TRAF3IP2: variants seen among roughly 807,000 people sequenced by gnomAD.
TRAF3IP2 encodes TRAF3 interacting protein 2, also known as E3 ubiquitin ligase TRAF3IP2.
Under a neutral mutation model 57.9 loss-of-function variants are expected in TRAF3IP2, and 35 were observed. The ratio of observed to expected loss-of-function variants is 0.60; its 90% CI spans 0.46 to 0.80. The LOEUF (loss-of-function observed/expected upper bound fraction) is 0.80, where lower values mean the gene tolerates loss of function less well. TRAF3IP2 is among the 30% of genes least tolerant of loss of function. The probability of loss-of-function intolerance (pLI) is 0.00; values close to 1 mark genes in which losing one functional copy is unlikely to be tolerated. For missense variants in TRAF3IP2, 556 were observed against 706.4 expected, an observed-to-expected ratio of 0.79 and a Z score of 2.41; for synonymous variants, 251 against 268.9, an observed-to-expected ratio of 0.93 and a Z score of 0.65.
intron 1 of TRAF3IP2, chr6:111,594,636 T>A (rs1429071131): frequency 1.4e-5 from 5 of 351,958 alleles, no homozygotes; most frequent in African/African-American, 1.1e-4. Context: ...GCTCTGGGGC[T>A]GGGCGTGGTG....
Position 111,580,067 on chromosome 6 carries a change from C to A in TRAF3IP2, c.1022+130G>T, listed in dbSNP as rs1025774248. ...CCTGACCTGAAAAGTCTATATTGGG[C>A]ATTCCACTATGTGACTTGCTCACTA... On this transcript the variant is annotated intron_variant, in intron 3 of 8. Transcript: ENST00000368761. 1.1e-5 allele frequency: 11 copies of A among 1,046,740 alleles called. No individual in the cohort carries two copies. The Admixed American group carries it at 1.5e-4, about 14-fold the overall frequency. The allele number at this position is 1,046,740 out of a possible 1,614,324, so 64.8% of individuals were successfully genotyped here.
chr6:111,566,981 A>T, intron 6 of TRAF3IP2: 1 of 275,608 alleles, frequency 3.6e-6, no homozygotes, highest in Non-Finnish European at 6.9e-6. Flanking sequence ...ACATTAGCAC[A>T]GTCAGTAGGA....
In TRAF3IP2 at chr6:111,559,380, C is replaced by T. The variant is rs748766419; in HGVS notation, c.*25G>A. 7.5e-6 allele frequency: 12 copies of T among 1,609,480 alleles called. No homozygotes were observed. The South Asian group carries it at 1.3e-4, about 18-fold the overall frequency. On this transcript the variant is annotated 3_prime_UTR_variant, in exon 9 of 9. Coordinates refer to ENST00000368761, the MANE Select transcript of TRAF3IP2 (RefSeq NM_147686.4). Reference sequence around the variant, plus strand: ...AACAAGGCCCCAAACATGGCCTGGCCTCAGTGATCTGGGGATGAACGGTGT... The same window carrying T: ...AACAAGGCCCCAAACATGGCCTGGCTTCAGTGATCTGGGGATGAACGGTGT...
At chr6:111,579,316 CAAAAAAAAAA>C (rs529040872) in intron 3 of TRAF3IP2, among the ~76,000 whole-genome samples, 42 of 69,834 alleles carry the variant, frequency 6.0e-4, no homozygotes, top group Non-Finnish European at 9.9e-5. Context: ...GGCTCCATCT[CAAAAAAAAAA>C]AAAAAAAAAA....
In TRAF3IP2 at chr6:111,582,938, G is replaced by A. The variant is rs567152998; in HGVS notation, c.830-2549C>T. ...CTTTGTCCAGAATGTTTTTGCCCTA[G>A]ATTTTCACAGACTGACTTCTTGCCA... On this transcript the variant is annotated intron_variant, in intron 2 of 8. Coordinates refer to ENST00000368761, the MANE Select transcript of TRAF3IP2 (RefSeq NM_147686.4). Among the ~76,000 whole-genome samples, 33 of 152,300 alleles carry A rather than the reference G, an allele frequency of 2.2e-4. No homozygotes were observed. The South Asian group carries it at 5.2e-3, about 24-fold the overall frequency.
intron 8 of TRAF3IP2, 77 bp from the exon 9 acceptor site, chr6:111,559,628 A>G (rs41289896): frequency 0.018 from 27,857 of 1,536,672 alleles, 316 homozygotes; most frequent in Non-Finnish European, 0.022. Context: ...CAGTTCCCAA[A>G]CATTTCTGGC....
chr6:111,595,539 G>C (rs537659089), intron 1 of TRAF3IP2, among the ~76,000 whole-genome samples: 5 of 152,220 alleles, frequency 3.3e-5, no homozygotes, highest in African/African-American at 4.8e-5. Flanking sequence ...AGGTACCAAA[G>C]GGTATGCATG....
intron 1 of TRAF3IP2, among the ~76,000 whole-genome samples, chr6:111,603,104 ACACACAC>A (rs1189737579): frequency 6.6e-6 from 1 of 152,048 alleles, no homozygotes; most frequent in Non-Finnish European, 1.5e-5. Context: ...ACACACACAC[ACACACAC>A]AAGGCGTGCA....
rs112036127 is a variant in TRAF3IP2, at chr6:111,580,238, G to A, written c.981C>T (p.Pro327=). The A allele has an allele frequency of 1.2e-4, 187 of 1,613,820 alleles. 3 individuals are homozygous for A. In the South Asian group the frequency reaches 1.3e-3, roughly 11 times the overall value. The change falls in exon 3 of 9, where the codon CCC becomes CCT. Residue 327 remains proline (P), a synonymous_variant. Coordinates refer to ENST00000368761, the MANE Select transcript of TRAF3IP2 (RefSeq NM_147686.4). ...CCGGAAAGGAGCAGTCTCTCTGTGC[G>A]GGCCTCTCTTCGTGGTCCCAGGGGC... The part of the protein sequence containing the change: ...YPSPWDHEER[P]AQRDCSFPGL...
In TRAF3IP2 at chr6:111,592,079, C is replaced by A; in HGVS notation, c.8G>T (p.Arg3Leu). Residue 3 changes from arginine to leucine, a missense_variant, in exon 2 of 9, where the codon CGA (arginine) becomes CTA (leucine). Coordinates refer to ENST00000368761, the MANE Select transcript of TRAF3IP2 (RefSeq NM_147686.4). Reference sequence around the variant, plus strand: ...TTCATCAACCTCCACAGGAATGCTTCGGTTCATTCTAGTTTCTGGAACAAG... The same window carrying A: ...TTCATCAACCTCCACAGGAATGCTTAGGTTCATTCTAGTTTCTGGAACAAG... MN[R>L]SIPVEVDESE... 1 of 1,613,026 alleles carries A rather than the reference C, an allele frequency of 6.2e-7. No individual in the cohort carries two copies. The highest frequency in any genetic ancestry group is 8.5e-7 in the Non-Finnish European group (1 of 1,179,230).
chr6:111,603,955 C>G (rs867327017), intron 1 of TRAF3IP2, among the ~76,000 whole-genome samples: 1 of 152,158 alleles, frequency 6.6e-6, no homozygotes, highest in Non-Finnish European at 1.5e-5. Flanking sequence ...AGGATTAGAG[C>G]GAGGCTGGCA....
At chr6:111,600,766 A>C (rs964625571) in intron 1 of TRAF3IP2, 1 of 157,924 alleles carries the variant, frequency 6.3e-6, no homozygotes, top group African/African-American at 2.4e-5. Context: ...TAGATTGTAC[A>C]CTGATAAGCC....
intron 2 of TRAF3IP2, among the ~76,000 whole-genome samples, chr6:111,588,527 G>A (rs530090883): frequency 2.2e-4 from 34 of 152,294 alleles, no homozygotes; most frequent in Admixed American, 7.8e-4. Context: ...ATTTTCCGTG[G>A]GAAGTATTTT....
chr6:111,586,935 C>T (rs529770413), intron 2 of TRAF3IP2: 1 of 152,190 alleles, frequency 6.6e-6, no homozygotes, highest in Non-Finnish European at 1.5e-5. Flanking sequence ...TGAGGGCTTA[C>T]CACCAGCCAG....
intron 8 of TRAF3IP2, among the ~76,000 whole-genome samples, chr6:111,562,230 C>T (rs1455261881): frequency 6.6e-6 from 1 of 152,178 alleles, no homozygotes; most frequent in African/African-American, 2.4e-5. Flanking sequence ...AAAGTTCACT[C>T]AGGTAACTAT....
intron 4 of TRAF3IP2, among the ~76,000 whole-genome samples, chr6:111,575,243 C>T (rs995340626): frequency 2.0e-5 from 3 of 151,810 alleles, no homozygotes; most frequent in African/African-American, 7.3e-5. Flanking sequence ...GGAAAATCTT[C>T]GAGATTAGGG....
intron 8 of TRAF3IP2, 55 bp downstream of exon 8, chr6:111,562,910 T>G (rs1795499765): frequency 1.5e-6 from 2 of 1,354,464 alleles, no homozygotes; most frequent in Admixed American, 1.8e-5. Context: ...AAATCCCAGA[T>G]GGCAAAGCAA....
chr6:111,576,096 T>C (rs1309338207), intron 3 of TRAF3IP2, among the ~76,000 whole-genome samples: 1 of 152,162 alleles, frequency 6.6e-6, no homozygotes, highest in Non-Finnish European at 1.5e-5. Context: ...GAAAAACAAG[T>C]CTCATGCACA....
Position 111,559,110 on chromosome 6 carries a change from A to G in TRAF3IP2, c.*295T>C. ...CATTATCTACTTGCTAAGCACTGAGAGGCCCAGAATGGACACATCAAACTG... is the reference window on the plus strand; with the variant it reads ...CATTATCTACTTGCTAAGCACTGAGGGGCCCAGAATGGACACATCAAACTG... On this transcript the variant is annotated 3_prime_UTR_variant, in exon 9 of 9. Coordinates refer to ENST00000368761, the MANE Select transcript of TRAF3IP2 (RefSeq NM_147686.4). The G allele has an allele frequency of 3.2e-6, 1 of 313,726 alleles. No individual in the cohort carries two copies. Among genetic ancestry groups the G allele is most frequent in the Non-Finnish European group, 5.9e-6 (1 of 170,408 alleles). 19.4% of individuals were successfully genotyped at this position (313,726 alleles called of 1,614,324 possible).
Sources: gnomAD v4.1 joint callset for allele counts (sites outside exome capture counted in the v4.1 genomes callset) on GRCh38, gnomAD v4.1.1 for gene constraint, MANE v1.5 for transcripts, NCBI Gene and HGNC (gene_info 2026-07-23, HGNC 2026-07-21) for gene names.